The following KIFC3 variants were observed in gnomAD, a reference collection of about 807,000 sequenced individuals.
The protein encoded by KIFC3 is kinesin family member C3.
KIFC3 carries 60 observed loss-of-function variants against 101.8 expected under a neutral mutation model. That is an observed-to-expected ratio of 0.59 (90% confidence interval 0.48 to 0.73). The LOEUF (loss-of-function observed/expected upper bound fraction) is 0.73, where lower values mean the gene tolerates loss of function less well. Ranked by LOEUF, KIFC3 falls within the 30% of genes least tolerant of loss-of-function variation. The pLI, the probability that KIFC3 is intolerant of heterozygous loss-of-function variation, is 0.00. For synonymous variants in KIFC3, 476 were observed against 482.7 expected, an observed-to-expected ratio of 0.99 and a Z score of 0.18; for missense variants, 966 against 1,137.1, an observed-to-expected ratio of 0.85 and a Z score of 2.16.
rs1555590748 is a variant in KIFC3 at position 57,758,552 on chromosome 16, G to T, written c.*382C>A. 4.8e-6 allele frequency: 3 copies of T among 624,294 alleles called. No homozygotes were observed. Among genetic ancestry groups the T allele is most frequent in the Non-Finnish European group, 8.9e-6 (3 of 335,906 alleles). 38.7% of individuals were successfully genotyped at this position (624,294 alleles called of 1,614,324 possible). On this transcript the variant is annotated 3_prime_UTR_variant, in exon 20 of 20. Coordinates refer to ENST00000445690, the MANE Select transcript of KIFC3 (RefSeq NM_001130100.2). ...TCCTCGCCCACCCCCTAAGGAGGGG[G>T]CTGGCCAGCTCTGCAAGCTGAGGAG...
At chr16:57,787,660 TG>T (rs1555618367) in intron 3 of KIFC3, among the ~76,000 whole-genome samples, 1 of 152,146 alleles carries the variant, frequency 6.6e-6, no homozygotes, top group African/African-American at 2.4e-5. Context: ...TGCTGTTCCC[TG>T]GGATCGGCCT....
intron 3 of KIFC3, among the ~76,000 whole-genome samples, chr16:57,790,078 CT>C (rs782291808): frequency 1.5e-4 from 14 of 94,092 alleles, no homozygotes; most frequent in East Asian, 1.1e-3. Flanking sequence ...TTCTTTCTTT[CT>C]TTTTTTTTTT....
At chr16:57,812,118 T>G (rs183140068) in intron 1 of KIFC3, among the ~76,000 whole-genome samples, 1 of 149,474 alleles carries the variant, frequency 6.7e-6, no homozygotes, top group Admixed American at 6.6e-5. Flanking sequence ...CTCGGCTCAC[T>G]GGAGGCTCCA....
At chr16:57,762,306 C>A in intron 12 of KIFC3, 36 bp from the exon 13 acceptor site, 1 of 1,495,224 alleles carries the variant, frequency 6.7e-7, no homozygotes. Flanking sequence ...TAAGCCAGGC[C>A]TGTCCCCAAA....
chr16:57,818,284 G>A (rs1296262608), intron 1 of KIFC3, among the ~76,000 whole-genome samples: 1 of 152,076 alleles, frequency 6.6e-6, no homozygotes, highest in Non-Finnish European at 1.5e-5. Context: ...AAACCTTGAG[G>A]GGCTTGGGAA....
At chr16:57,776,309 C>A (rs1385201217) in intron 3 of KIFC3, 2 of 985,434 alleles carry the variant, frequency 2.0e-6, no homozygotes, top group Non-Finnish European at 2.4e-6. Context: ...CCACAGAAGG[C>A]CTGATCCTGG....
At chr16:57,820,126 T>G (rs2055319101) in intron 1 of KIFC3, among the ~76,000 whole-genome samples, 1 of 152,226 alleles carries the variant, frequency 6.6e-6, no homozygotes, top group African/African-American at 2.4e-5. Context: ...GCCAAAGTGC[T>G]GGGATTACAG....
rs574542566 is a variant in KIFC3 at position 57,793,248 on chromosome 16, T to G, written c.315+1751A>C. On this transcript the variant is annotated intron_variant, in intron 3 of 19. Transcript: ENST00000445690. ...TTGCAGTGGGCTGCAATCATGCCACTGCACTCCAACCTGGGCAACAGAGTG... is the reference window on the plus strand; with the variant it reads ...TTGCAGTGGGCTGCAATCATGCCACGGCACTCCAACCTGGGCAACAGAGTG... 3.7e-3 allele frequency among the ~76,000 whole-genome samples: 562 copies of G among 151,150 alleles called. 2 individuals carry two copies. Among genetic ancestry groups the G allele is most frequent in the Middle Eastern group, 6.8e-3 (2 of 292 alleles).
At chr16:57,808,603 C>T (rs2054998194) in intron 1 of KIFC3, among the ~76,000 whole-genome samples, 1 of 151,698 alleles carries the variant, frequency 6.6e-6, no homozygotes, top group Non-Finnish European at 1.5e-5. Flanking sequence ...AGAGGAAAAA[C>T]ACAAAAACTA....
At chr16:57,823,817 T>A (rs1163013348) in intron 1 of KIFC3, among the ~76,000 whole-genome samples, 3 of 130,976 alleles carry the variant, frequency 2.3e-5, no homozygotes, top group Non-Finnish European at 5.3e-5. Flanking sequence ...TTAGTAGAGA[T>A]GGTGTTTCAC....
At chr16:57,801,717 C>T (rs527321349) in intron 1 of KIFC3, among the ~76,000 whole-genome samples, 2 of 152,344 alleles carry the variant, frequency 1.3e-5, no homozygotes, top group East Asian at 3.9e-4. Flanking sequence ...TTAAACACAG[C>T]TTCCTCTTTA....
At chr16:57,815,906 G>A (rs1418041048) in intron 1 of KIFC3, among the ~76,000 whole-genome samples, 1 of 152,216 alleles carries the variant, frequency 6.6e-6, no homozygotes, top group African/African-American at 2.4e-5. Flanking sequence ...TGTGGCGAGT[G>A]CTGCCCGGAT....
In KIFC3 at chr16:57,760,336, C is replaced by A. The variant is rs199735435; in HGVS notation, c.2313G>T (p.Gly771=). 16 of 1,613,842 alleles carry A rather than the reference C, an allele frequency of 9.9e-6. No individual in the cohort carries two copies. The East Asian group carries it at 3.3e-4, about 34-fold the overall frequency. The part of the protein sequence containing the change: ...FAERVRSVEL[G]PGLRRAELGS... ...CAAGCTCTGCCCTGCGTAGCCCAGG[C>A]CCCAGCTCCACAGAGCGCACCCTCT... Residue 771 remains glycine (G), a synonymous_variant, in exon 17 of 20, where the codon GGG becomes GGT. Transcript: ENST00000445690.
At chr16:57,762,954 C>T (rs1254074281) in intron 12 of KIFC3, among the ~76,000 whole-genome samples, 1 of 151,420 alleles carries the variant, frequency 6.6e-6, no homozygotes, top group East Asian at 1.9e-4. Flanking sequence ...TGGCCGGCTC[C>T]GTCATCTCCC....
chr16:57,772,863 G>A (rs1555609631), intron 3 of KIFC3, among the ~76,000 whole-genome samples: 1 of 152,188 alleles, frequency 6.6e-6, no homozygotes, highest in African/African-American at 2.4e-5. Context: ...CTGCCTTGCA[G>A]GAAAGCTGTG....
intron 1 of KIFC3, among the ~76,000 whole-genome samples, chr16:57,850,086 C>T (rs1463599546): frequency 2.6e-5 from 4 of 151,074 alleles, no homozygotes; most frequent in African/African-American, 9.7e-5. Context: ...AGAGCAAGAC[C>T]CTTTCTCTAA....
At chr16:57,760,618 G>T in intron 16 of KIFC3, 108 bp downstream of exon 16, 1 of 1,127,720 alleles carries the variant, frequency 8.9e-7, no homozygotes, top group Non-Finnish European at 1.3e-6. Context: ...TGTGTGGCCA[G>T]GTCTAGGGGC....
intron 1 of KIFC3, among the ~76,000 whole-genome samples, chr16:57,817,281 C>T (rs984858734): frequency 2.0e-5 from 3 of 151,882 alleles, no homozygotes; most frequent in Admixed American, 6.6e-5. Context: ...ATCGTTTGAA[C>T]CCAGGAGGTA....
intron 3 of KIFC3, among the ~76,000 whole-genome samples, chr16:57,782,524 G>A (rs779995916): frequency 3.3e-5 from 5 of 152,248 alleles, no homozygotes; most frequent in African/African-American, 1.2e-4. Flanking sequence ...GTCAGGGTTT[G>A]AACCCAGCTC....
Sources: gnomAD v4.1 joint callset for allele counts (sites outside exome capture counted in the v4.1 genomes callset) on GRCh38, gnomAD v4.1.1 for gene constraint, MANE v1.5 for transcripts, NCBI Gene and HGNC (gene_info 2026-07-23, HGNC 2026-07-21) for gene names.